The following PLXNC1 variants were observed in gnomAD, a reference collection of about 807,000 sequenced individuals.
PLXNC1 encodes the protein plexin-C1.
A neutral mutation model predicts 178.2 loss-of-function variants in PLXNC1; 75 were observed. The ratio of observed to expected loss-of-function variants is 0.42; its 90% CI spans 0.35 to 0.51. The LOEUF (loss-of-function observed/expected upper bound fraction) is 0.51, where lower values mean the gene tolerates loss of function less well. Among genes scored for constraint, PLXNC1 ranks in the 20% least tolerant of loss-of-function variants. The pLI, the probability that PLXNC1 is intolerant of heterozygous loss-of-function variation, is 0.02. For missense variants in PLXNC1, 1,503 were observed against 1,984.4 expected (o/e 0.76, Z 4.61); for synonymous variants, 790 against 779.9 (o/e 1.01, Z -0.22).
At chr12:94,241,193 T>G (rs1434525111) in intron 11 of PLXNC1, among the ~76,000 whole-genome samples, 1 of 152,146 alleles carries the variant, frequency 6.6e-6, no homozygotes, top group Non-Finnish European at 1.5e-5. Flanking sequence ...ATTTTTAAAT[T>G]TATTACTATT....
chr12:94,196,440 C>T (rs1048725075), intron 4 of PLXNC1, among the ~76,000 whole-genome samples: 3 of 152,150 alleles, frequency 2.0e-5, no homozygotes, highest in Admixed American at 6.5e-5. Context: ...ACCTGTTCTC[C>T]CTTCGCTTCC....
rs1328760993 is a variant in PLXNC1, at chr12:94,150,646, T to C, written c.1062+613T>C. Among the ~76,000 whole-genome samples, 5 of 152,142 alleles carry C rather than the reference T, an allele frequency of 3.3e-5. No individual in the cohort carries two copies. The East Asian group carries it at 9.6e-4, about 29-fold the overall frequency. On this transcript the variant is annotated intron_variant, in intron 1 of 30. Coordinates refer to ENST00000258526, the MANE Select transcript of PLXNC1 (RefSeq NM_005761.3). ...GAGGCTTGCGCTGGAACCGAACCCC[T>C]GGCGTGAGCCGGTGCGAGGGGGCGG...
intron 1 of PLXNC1, among the ~76,000 whole-genome samples, chr12:94,161,980 C>A (rs1324111190): frequency 6.6e-6 from 1 of 152,226 alleles, no homozygotes; most frequent in Non-Finnish European, 1.5e-5. Context: ...TATTGACAAC[C>A]TACTCCATGC....
At chr12:94,214,967 G>A (rs1227775867) in intron 5 of PLXNC1, among the ~76,000 whole-genome samples, 2 of 152,032 alleles carry the variant, frequency 1.3e-5, no homozygotes, top group Non-Finnish European at 2.9e-5. Flanking sequence ...CGCGATCATG[G>A]TTCACTGCAA....
At chr12:94,246,303 C>T (rs939102738) in intron 12 of PLXNC1, among the ~76,000 whole-genome samples, 1 of 152,218 alleles carries the variant, frequency 6.6e-6, no homozygotes. Flanking sequence ...CGTCCACAGT[C>T]TCTCTGGGCT....
At chr12:94,195,311 G>C (rs990043912) in intron 4 of PLXNC1, among the ~76,000 whole-genome samples, 1 of 152,176 alleles carries the variant, frequency 6.6e-6, no homozygotes, top group South Asian at 2.1e-4. Flanking sequence ...TGTAAAGAGA[G>C]AGTTTATGTC....
intron 22 of PLXNC1, among the ~76,000 whole-genome samples, chr12:94,280,728 C>T (rs1592903350): frequency 6.6e-6 from 1 of 152,242 alleles, no homozygotes; most frequent in East Asian, 1.9e-4. Context: ...TCTGAGCATA[C>T]ATCTTGCAAA....
At chr12:94,266,495 A>C (rs1965252687) in intron 21 of PLXNC1, among the ~76,000 whole-genome samples, 1 of 152,244 alleles carries the variant, frequency 6.6e-6, no homozygotes, top group Admixed American at 6.5e-5. Context: ...GCTAGGCAGC[A>C]TGCTGGAGTT....
At chr12:94,275,859 A>C (rs1965916726) in intron 21 of PLXNC1, among the ~76,000 whole-genome samples, 1 of 83,274 alleles carries the variant, frequency 1.2e-5, no homozygotes, top group Admixed American at 1.3e-4. Flanking sequence ...CGTCTCAAAA[A>C]AAAAAAAAAA....
rs146595209 is a variant in PLXNC1, at chr12:94,258,327, G to A, written c.3088-1010G>A. 6.5e-3 allele frequency among the ~76,000 whole-genome samples: 996 copies of A among 152,200 alleles called. 12 individuals are homozygous for A. Among genetic ancestry groups the A allele is most frequent in the Non-Finnish European group, 8.2e-3 (556 of 68,010 alleles). ...TTGGGGCTTTTTTGCTTTTTACTAG[G>A]GGAGGATATGGCCAAAATAGTTTCA... On this transcript the variant is annotated intron_variant, in intron 17 of 30. Coordinates refer to ENST00000258526, the MANE Select transcript of PLXNC1 (RefSeq NM_005761.3).
chr12:94,260,624 A>C lies in PLXNC1; in HGVS notation c.3252-18A>C. Reference sequence around the variant, plus strand: ...TAGGCCTGCAGCCAATGGTTCACCCAGCTCTCTTTTTCAACAGGTGTCTGT... The same window carrying C: ...TAGGCCTGCAGCCAATGGTTCACCCCGCTCTCTTTTTCAACAGGTGTCTGT... On this transcript the variant is annotated intron_variant, in intron 19 of 30. Coordinates refer to ENST00000258526, the MANE Select transcript of PLXNC1 (RefSeq NM_005761.3). This position sits in a 1 kb window ranked among gnomAD's most constrained non-coding sequence, Gnocchi z 4.4. 6.2e-7 allele frequency: 1 copy of C among 1,600,138 alleles called. No homozygotes were observed. Among genetic ancestry groups the C allele is most frequent in the Non-Finnish European group, 8.5e-7 (1 of 1,169,666 alleles).
intron 12 of PLXNC1, among the ~76,000 whole-genome samples, chr12:94,246,773 T>C (rs1592806614): frequency 6.6e-6 from 1 of 152,114 alleles, no homozygotes; most frequent in South Asian, 2.1e-4. Context: ...TTCAGGGCTA[T>C]AGTTTGGAAA....
At chr12:94,257,860 T>C (rs1964894587) in intron 17 of PLXNC1, among the ~76,000 whole-genome samples, 1 of 151,806 alleles carries the variant, frequency 6.6e-6, no homozygotes, top group Non-Finnish European at 1.5e-5. Flanking sequence ...TGAGCCGAGA[T>C]AGCGCCACAC....
chr12:94,290,288 G>A (rs1186974451), intron 23 of PLXNC1, among the ~76,000 whole-genome samples: 10 of 152,206 alleles, frequency 6.6e-5, no homozygotes, highest in African/African-American at 1.7e-4. Flanking sequence ...TCATAAACTC[G>A]GTGTCTGAGT....
At chr12:94,247,685 C>G (rs994207587) in intron 12 of PLXNC1, among the ~76,000 whole-genome samples, 1 of 152,056 alleles carries the variant, frequency 6.6e-6, no homozygotes, top group Non-Finnish European at 1.5e-5. Flanking sequence ...TGTGCCGGGC[C>G]CTGATCTAAG....
At chr12:94,181,602 T>C (rs1962308623) in intron 3 of PLXNC1, 22 bp downstream of exon 3, 4 of 1,572,120 alleles carry the variant, frequency 2.5e-6, no homozygotes, top group Non-Finnish European at 2.6e-6. Flanking sequence ...TACTAGTTAT[T>C]GCTTCTGATT....
intron 17 of PLXNC1, among the ~76,000 whole-genome samples, chr12:94,258,105 C>T (rs1349038182): frequency 1.3e-5 from 2 of 152,028 alleles, no homozygotes; most frequent in Admixed American, 6.6e-5. Context: ...CCTGCCCGGG[C>T]GACAGAGCAA....
chr12:94,263,251 C>G (rs910899927), intron 20 of PLXNC1, among the ~76,000 whole-genome samples: 1 of 151,428 alleles, frequency 6.6e-6, no homozygotes, highest in African/African-American at 2.4e-5. Flanking sequence ...GATACCCAGG[C>G]CTCATTCTTC....
chr12:94,284,962 G>C (rs1440766592), intron 23 of PLXNC1, among the ~76,000 whole-genome samples: 1 of 152,224 alleles, frequency 6.6e-6, no homozygotes, highest in African/African-American at 2.4e-5. Context: ...AGAAGCTGTG[G>C]ATTTCTGGTG....
Sources: allele counts gnomAD v4.1 joint callset (sites outside exome capture counted in the v4.1 genomes callset), GRCh38; gene constraint gnomAD v4.1.1; non-coding constraint Gnocchi (gnomAD v3.1); transcripts MANE v1.5; gene names NCBI Gene and HGNC (gene_info 2026-07-23, HGNC 2026-07-21).